The following EMB variants were observed in gnomAD, a reference collection of about 807,000 sequenced individuals.
The protein encoded by EMB is embigin.
In EMB, 31 loss-of-function variants were observed where a neutral mutation model predicts 41.4. The ratio of observed to expected loss-of-function variants is 0.75; its 90% CI spans 0.56 to 1.01. The LOEUF is 1.01. Ranked by LOEUF, EMB falls within the 50% of genes least tolerant of loss-of-function variation. The probability of loss-of-function intolerance (pLI) is 0.00; values close to 1 mark genes in which losing one functional copy is unlikely to be tolerated. For missense variants in EMB, 379 were observed against 388.3 expected (o/e 0.98, Z 0.20); for synonymous variants, 137 against 140.4 (o/e 0.98, Z 0.17).
chr5:50,437,623 T>C (rs942613483), intron 1 of EMB, among the ~76,000 whole-genome samples: 6 of 152,114 alleles, frequency 3.9e-5, no homozygotes, highest in Admixed American at 3.3e-4. Context: ...CCTTTAAATG[T>C]CCTTAAAGGT....
In EMB at chr5:50,441,069, C is replaced by T. The variant is rs550924587; in HGVS notation, c.83G>A (p.Arg28His). Reference protein sequence around the residue: ...LLLQCLLAAARPSSADGSAPD... With the variant: ...LLLQCLLAAAHPSSADGSAPD... ...GGCACTGCCGTCCGCCGAGCTTGGG[C>T]GCGCGGCAGCGAGAAGGCACTGGAG... Residue 28 changes from arginine to histidine, a missense_variant, in exon 1 of 9, where the codon CGC (arginine) becomes CAC (histidine). Physicochemically the swap from Arg to His is conservative, Grantham distance 29. Transcript: ENST00000303221. 4 of 1,511,070 alleles carry T rather than the reference C, an allele frequency of 2.6e-6. No individual in the cohort carries two copies. Among genetic ancestry groups the T allele is most frequent in the Non-Finnish European group, 2.7e-6 (3 of 1,130,912 alleles). The allele number at this position is 1,511,070 out of a possible 1,614,324, so 93.6% of individuals were successfully genotyped here.
At chr5:50,439,450 G>A (rs1052471878) in intron 1 of EMB, among the ~76,000 whole-genome samples, 2 of 151,142 alleles carry the variant, frequency 1.3e-5, no homozygotes, top group Admixed American at 1.3e-4. Flanking sequence ...CCAAGCACCT[G>A]GGACTACTGG....
intron 4 of EMB, among the ~76,000 whole-genome samples, chr5:50,408,770 T>C (rs1264145699): frequency 2.0e-5 from 3 of 152,062 alleles, no homozygotes; most frequent in Non-Finnish European, 4.4e-5. Context: ...TTTATAAAAA[T>C]ACACACCATT....
chr5:50,413,808 C>A (rs1321190448), intron 2 of EMB, among the ~76,000 whole-genome samples: 1 of 152,056 alleles, frequency 6.6e-6, no homozygotes, highest in African/African-American at 2.4e-5. Flanking sequence ...AAACTCCTGA[C>A]CTCAGGCGAT....
chr5:50,438,146 T>C (rs1041611596), intron 1 of EMB, among the ~76,000 whole-genome samples: 2 of 152,188 alleles, frequency 1.3e-5, no homozygotes, highest in Non-Finnish European at 2.9e-5. Flanking sequence ...TTAAGCACTG[T>C]GTTTAGGAAA....
intron 2 of EMB, among the ~76,000 whole-genome samples, chr5:50,426,910 A>G (rs1250454530): frequency 6.6e-6 from 1 of 151,646 alleles, no homozygotes; most frequent in Non-Finnish European, 1.5e-5. Flanking sequence ...AAAAAAAAAA[A>G]AAAAACACTT....
chr5:50,428,288 C>G, intron 1 of EMB, 61 bp from the exon 2 acceptor site: 1 of 1,419,408 alleles, frequency 7.0e-7, no homozygotes, highest in Non-Finnish European at 9.7e-7. Flanking sequence ...TATCTAAAAA[C>G]TACTTTGAAA....
rs190413158 is a variant in EMB, at chr5:50,440,988, G to T, written c.112+52C>A. On this transcript the variant is annotated intron_variant, in intron 1 of 8. Transcript: ENST00000303221. ...CGATGCCCTCTGCCCGCGGGGACCCGAGCCTCGCGCGCCCTCCGCCCTCCC... is the reference window on the plus strand; with the variant it reads ...CGATGCCCTCTGCCCGCGGGGACCCTAGCCTCGCGCGCCCTCCGCCCTCCC... The T allele has an allele frequency of 1.1e-3, 1,331 of 1,236,946 alleles. 16 individuals are homozygous for T. In the African/African-American group the frequency reaches 0.019, roughly 18 times the overall value. 76.6% of individuals were successfully genotyped at this position (1,236,946 alleles called of 1,614,324 possible). A position where few individuals can be genotyped will look rare whatever the true frequency, so the allele number is the denominator to read the frequency against.
At chr5:50,431,299 C>T (rs1348030152) in intron 1 of EMB, among the ~76,000 whole-genome samples, 2 of 152,182 alleles carry the variant, frequency 1.3e-5, no homozygotes, top group Non-Finnish European at 2.9e-5. Flanking sequence ...AAAAGAAGTT[C>T]TTTGTTTAGG....
At position 50,397,369 on chromosome 5, in the gene EMB, AAAAT is replaced by A. The variant is rs1745086460; in HGVS notation, c.*1900_*1903del. 1 of 152,166 alleles carries A rather than the reference AAAAT, an allele frequency of 6.6e-6. No homozygotes were observed. The highest frequency in any genetic ancestry group is 2.1e-4 in the South Asian group (1 of 4,828). 9.4% of individuals were successfully genotyped at this position (152,166 alleles called of 1,614,324 possible). A position where few individuals can be genotyped will look rare whatever the true frequency, so the allele number is the denominator to read the frequency against. On this transcript the variant is annotated 3_prime_UTR_variant, in exon 9 of 9. Transcript: ENST00000303221. ...TGAGATAAATTGTCTTTGCTAGAAA[AAAAT>A]AAACAGTATTGCCAATTAAAAACTC...
intron 2 of EMB, chr5:50,411,818 C>G (rs1273516264): frequency 6.6e-6 from 1 of 152,302 alleles, no homozygotes; most frequent in Non-Finnish European, 1.5e-5. Flanking sequence ...GATCTAATAA[C>G]TACTAGAGAA....
In EMB at chr5:50,396,949, G is replaced by A. The variant is rs1745075947; in HGVS notation, c.*2324C>T. The A allele has an allele frequency of 6.6e-6, 1 of 152,076 alleles. No homozygotes were observed. The highest frequency in any genetic ancestry group is 1.5e-5 in the Non-Finnish European group (1 of 68,002). The allele number at this position is 152,076 out of a possible 1,614,324, so 9.4% of individuals were successfully genotyped here. ...TGAGTTCTAAATTAGGGCCTGAGCA[G>A]CTAGATGTTGGGATAATAACAAAAA... On this transcript the variant is annotated 3_prime_UTR_variant, in exon 9 of 9. Coordinates refer to ENST00000303221, the MANE Select transcript of EMB (RefSeq NM_198449.3).
At chr5:50,402,586 T>A (rs1745181635) in intron 6 of EMB, among the ~76,000 whole-genome samples, 1 of 151,898 alleles carries the variant, frequency 6.6e-6, no homozygotes, top group African/African-American at 2.4e-5. Flanking sequence ...TCATTAAAAA[T>A]TTAGTATAAA....
intron 2 of EMB, among the ~76,000 whole-genome samples, chr5:50,419,570 C>CACACACACACACACAG (rs70972905): frequency 6.6e-6 from 1 of 151,714 alleles, no homozygotes; most frequent in East Asian, 1.9e-4. Context: ...CACACACACA[C>CACACACACACACACAG]AGATAACTGT....
At chr5:50,420,541 ACT>A in intron 2 of EMB, among the ~76,000 whole-genome samples, 1 of 152,012 alleles carries the variant, frequency 6.6e-6, no homozygotes, top group Admixed American at 6.6e-5. Context: ...CTAACAACAG[ACT>A]CTCTCTATCA....
chr5:50,402,946 TAA>T (rs1484124481), intron 6 of EMB, among the ~76,000 whole-genome samples: 1 of 145,694 alleles, frequency 6.9e-6, no homozygotes, highest in African/African-American at 2.5e-5. Context: ...TTTTTAATAC[TAA>T]GTTTTTTCAG....
Position 50,397,542 on chromosome 5 carries a change from T to A in EMB, c.*1731A>T, listed in dbSNP as rs2111751700. ...GGGTTACACATTTGTTTGTGTTCTA[T>A]ATTCCAAGTCACAAATACACTGCTT... On this transcript the variant is annotated 3_prime_UTR_variant, in exon 9 of 9. Transcript: ENST00000303221. The A allele has an allele frequency of 6.6e-6, 1 of 152,274 alleles. No homozygotes were observed. Among genetic ancestry groups the A allele is most frequent in the South Asian group, 2.1e-4 (1 of 4,830 alleles). The allele number at this position is 152,274 out of a possible 1,614,324, so 9.4% of individuals were successfully genotyped here.
In EMB at chr5:50,411,225, T is replaced by C; in HGVS notation, c.355A>G (p.Thr119Ala). 6.2e-7 allele frequency: 1 copy of C among 1,612,556 alleles called. No individual in the cohort carries two copies. The highest frequency in any genetic ancestry group is 8.5e-7 in the Non-Finnish European group (1 of 1,179,136). Reference protein sequence around the residue: ...QLENNYLVSATGSTLYTQYRF... With the variant: ...QLENNYLVSAAGSTLYTQYRF... Reference sequence around the variant, plus strand: ...TATTGGGTATACAAGGTGCTTCCTGTTGCACTGACAAGATAATTATTCTCA... The same window carrying C: ...TATTGGGTATACAAGGTGCTTCCTGCTGCACTGACAAGATAATTATTCTCA... Residue 119 changes from threonine (T) to alanine (A), a missense_variant, in exon 3 of 9, where the codon ACA becomes GCA. Thr to Ala is a moderately conservative substitution (Grantham distance 58, BLOSUM62 0). Transcript: ENST00000303221.
intron 4 of EMB, among the ~76,000 whole-genome samples, chr5:50,407,691 T>C (rs1458507917): frequency 6.6e-6 from 1 of 152,018 alleles, no homozygotes; most frequent in Non-Finnish European, 1.5e-5. Context: ...GGCCACAGCT[T>C]ATATTTGGAA....
Sources: allele counts gnomAD v4.1 joint callset (sites outside exome capture counted in the v4.1 genomes callset), GRCh38; gene constraint gnomAD v4.1.1; transcripts MANE v1.5; gene names NCBI Gene and HGNC (gene_info 2026-07-23, HGNC 2026-07-21).